Variants in LRP8 observed in about 807,000 individuals in gnomAD.
The protein encoded by LRP8 is LDL receptor related protein 8.
Under a neutral mutation model 111.6 loss-of-function variants are expected in LRP8, and 46 were observed. The observed-to-expected ratio is 0.41, with a 90% CI of 0.33 to 0.53. The LOEUF (loss-of-function observed/expected upper bound fraction) is 0.53, where lower values mean the gene tolerates loss of function less well. Among genes scored for constraint, LRP8 ranks in the 20% least tolerant of loss-of-function variants. The pLI is 0.20. For missense variants in LRP8, 959 were observed against 1,297.4 expected, an observed-to-expected ratio of 0.74 and a Z score of 4.01; for synonymous variants, 464 against 511.2, an observed-to-expected ratio of 0.91 and a Z score of 1.24.
chr1:53,265,401 C>T (rs115767674), intron 9 of LRP8, among the ~76,000 whole-genome samples: 3 of 152,192 alleles, frequency 2.0e-5, no homozygotes, highest in African/African-American at 4.8e-5. Flanking sequence ...CCCTTCCCCT[C>T]GGCCAACCAG....
Position 53,257,318 on chromosome 1 carries a change from T to C in LRP8, c.2356A>G (p.Ser786Gly), listed in dbSNP as rs1236952205. 2 of 1,614,164 alleles carry C rather than the reference T, an allele frequency of 1.2e-6. No homozygotes were observed. Among genetic ancestry groups the C allele is most frequent in the Non-Finnish European group, 1.7e-6 (2 of 1,180,022 alleles). ...ETPSLTAAVP[S>G]SVSVPRAPSI... is the part of the protein sequence containing the mutation. ...GGAGCCCTGGGGACACTAACTGAGC[T>C]TGGGACTGCAGCTGTCAGGCTTGGT... The change falls in exon 15 of 19, where the codon AGC becomes GGC. Residue 786 changes from serine (S) to glycine (G), a missense_variant. Physicochemically the swap from Ser to Gly is moderately conservative, Grantham distance 56. Transcript: ENST00000306052.
intron 2 of LRP8, among the ~76,000 whole-genome samples, chr1:53,296,636 TA>T (rs1232846786): frequency 6.6e-6 from 1 of 152,210 alleles, no homozygotes; most frequent in Non-Finnish European, 1.5e-5. Flanking sequence ...CAGGCAGATT[TA>T]AATGACAGTC....
At chr1:53,287,870 G>C (rs1039723309) in intron 3 of LRP8, among the ~76,000 whole-genome samples, 4 of 145,560 alleles carry the variant, frequency 2.7e-5, no homozygotes, top group East Asian at 4.6e-4. Context: ...GGAGGGTGAG[G>C]ATAGGAGATG....
chr1:53,284,516 C>T (rs1053922509), intron 3 of LRP8, among the ~76,000 whole-genome samples: 2 of 152,192 alleles, frequency 1.3e-5, no homozygotes, highest in Admixed American at 1.3e-4. Flanking sequence ...ACTCTCCTCA[C>T]AAAAGCCCAG....
At chr1:53,258,186 C>T in intron 14 of LRP8, 133 bp downstream of exon 14, 1 of 904,428 alleles carries the variant, frequency 1.1e-6, no homozygotes, top group Non-Finnish European at 1.6e-6. Context: ...AGAGAAACCC[C>T]CAAAAGGCAA....
chr1:53,257,387 T>C lies in LRP8; in HGVS notation c.2287A>G (p.Thr763Ala). Residue 763 changes from threonine (T) to alanine (A), a missense_variant, in exon 15 of 19, where the codon ACC (threonine) becomes GCC (alanine). Physicochemically the swap from Thr to Ala is moderately conservative, Grantham distance 58. This residue lies in a region of LRP8 where 819 missense variants were observed against 1,097.6 expected (regional missense o/e 0.75). Coordinates refer to ENST00000306052, the MANE Select transcript of LRP8 (RefSeq NM_004631.5). ...TGGTAGGTGGATCTGTGGACGGTGG[T>C]CCCGGGGGCTCTTGTGGTGGCAGGT... The part of the protein sequence containing the change: ...TVPATTRAPG[T>A]TVHRSTYQNH... The C allele has an allele frequency of 6.2e-7, 1 of 1,614,138 alleles. No homozygotes were observed. The highest frequency in any genetic ancestry group is 1.7e-5 in the Admixed American group (1 of 60,024).
At chr1:53,287,602 C>T (rs1647765848) in intron 3 of LRP8, among the ~76,000 whole-genome samples, 1 of 152,214 alleles carries the variant, frequency 6.6e-6, no homozygotes, top group Non-Finnish European at 1.5e-5. Context: ...TATGAAACCT[C>T]AGAGAGCTCG....
intron 3 of LRP8, among the ~76,000 whole-genome samples, chr1:53,286,376 T>C (rs1439619042): frequency 6.6e-6 from 1 of 152,228 alleles, no homozygotes; most frequent in African/African-American, 2.4e-5. Flanking sequence ...ATGAGCCTGG[T>C]TAATCAGAGA....
intron 2 of LRP8, among the ~76,000 whole-genome samples, chr1:53,320,018 G>T (rs1042840967): frequency 3.3e-5 from 5 of 152,260 alleles, no homozygotes; most frequent in African/African-American, 1.2e-4. Context: ...GGGCCACCCG[G>T]GGCAAGTGAC....
chr1:53,309,761 C>T (rs1652655279), intron 2 of LRP8, among the ~76,000 whole-genome samples: 1 of 152,180 alleles, frequency 6.6e-6, no homozygotes, highest in Non-Finnish European at 1.5e-5. Context: ...TGCCCCTGCT[C>T]TCAGGATGGA....
chr1:53,277,102 G>A (rs893588838), intron 4 of LRP8, 24 bp from the exon 5 acceptor site: 1 of 1,462,214 alleles, frequency 6.8e-7, no homozygotes, highest in Admixed American at 2.4e-5. Context: ...AGAGCCGGTC[G>A]GCCCGCCGAC....
chr1:53,294,877 G>A lies in LRP8; in HGVS notation c.245-5188C>T, dbSNP rs1220923090. Among the ~76,000 whole-genome samples the A allele has an allele frequency of 1.3e-5, 2 of 152,214 alleles. No individual in the cohort carries two copies. Among genetic ancestry groups the A allele is most frequent in the Non-Finnish European group, 2.9e-5 (2 of 68,042 alleles). On this transcript the variant is annotated intron_variant, in intron 2 of 18. Coordinates refer to ENST00000306052, the MANE Select transcript of LRP8 (RefSeq NM_004631.5). This position sits in a 1 kb window ranked among gnomAD's most constrained non-coding sequence, Gnocchi z 4.1. ...GCTCCCCACCCACACGCATCGTGGAGCCCCGGTGCAGAGAGAAGGCTCCAA... is the reference window on the plus strand; with the variant it reads ...GCTCCCCACCCACACGCATCGTGGAACCCCGGTGCAGAGAGAAGGCTCCAA...
chr1:53,262,176 G>A lies in LRP8; in HGVS notation c.1806C>T (p.Asp602=). The A allele has an allele frequency of 1.9e-6, 3 of 1,613,880 alleles. No individual in the cohort carries two copies. The highest frequency in any genetic ancestry group is 1.1e-5 in the South Asian group (1 of 91,066). ...TGCTGGACAGTTGGTGTAGCTTGGA[G>A]TCTACCCAGTACAAGCGCTGGCTCA... ...DLLSQRLYWV[D]SKLHQLSSID... The change falls in exon 12 of 19, where the codon GAC becomes GAT. Residue 602 remains aspartate (D), a synonymous_variant. Transcript: ENST00000306052. This position sits in a 1 kb window ranked among gnomAD's most constrained non-coding sequence, Gnocchi z 4.8.
Position 53,262,230 on chromosome 1 carries a change from G to C in LRP8, c.1775-23C>G. On this transcript the variant is annotated intron_variant, in intron 11 of 18. Transcript: ENST00000306052. This position sits in a 1 kb window ranked among gnomAD's most constrained non-coding sequence, Gnocchi z 4.8. ...GATCTTGGGAAGGAAGCAGGATCAG[G>C]TCATGAACCTGGGACCCCAGTCTGG... is the stretch of plus-strand genomic sequence containing the variant. The C allele has an allele frequency of 6.2e-7, 1 of 1,612,148 alleles. No individual in the cohort carries two copies. The highest frequency in any genetic ancestry group is 8.5e-7 in the Non-Finnish European group (1 of 1,179,684).
chr1:53,294,856 C>G lies in LRP8; in HGVS notation c.245-5167G>C, dbSNP rs539859055. ...AGTATACATCCTTCCCATGCTGCTC[C>G]CCACCCACACGCATCGTGGAGCCCC... is the stretch of plus-strand genomic sequence containing the variant. On this transcript the variant is annotated intron_variant, in intron 2 of 18. Transcript: ENST00000306052. This position sits in a 1 kb window ranked among gnomAD's most constrained non-coding sequence, Gnocchi z 4.1. Among the ~76,000 whole-genome samples, 70 of 152,376 alleles carry G rather than the reference C, an allele frequency of 4.6e-4. 1 individual carries two copies. The highest frequency in any genetic ancestry group is 6.8e-3 in the Middle Eastern group (2 of 294).
chr1:53,297,379 C>T (rs890902663), intron 2 of LRP8, among the ~76,000 whole-genome samples: 2 of 152,204 alleles, frequency 1.3e-5, no homozygotes, highest in East Asian at 1.9e-4. Flanking sequence ...ACTCAAGGCT[C>T]GGCGGTTCCC....
intron 1 of LRP8, 34 bp from the exon 2 acceptor site, chr1:53,327,026 G>C: frequency 6.2e-7 from 1 of 1,607,490 alleles, no homozygotes; most frequent in Non-Finnish European, 8.5e-7. Context: ...CTGGATCAGC[G>C]GACTCGGCCC....
Position 53,303,220 on chromosome 1 carries a change from T to C in LRP8, c.245-13531A>G, listed in dbSNP as rs1651312714. Among the ~76,000 whole-genome samples, 1 of 152,092 alleles carries C rather than the reference T, an allele frequency of 6.6e-6. No individual in the cohort carries two copies. Among genetic ancestry groups the C allele is most frequent in the South Asian group, 2.1e-4 (1 of 4,826 alleles). On this transcript the variant is annotated intron_variant, in intron 2 of 18. Transcript: ENST00000306052. The surrounding 1 kb of genome is among the most constrained non-coding windows in gnomAD (Gnocchi z 4.3). The stretch of plus-strand genomic sequence containing the variant: ...GAGCTGGGTTGCCTCCCCGTTCGAA[T>C]GGGAGAGGGCCGGGGGCAGACAGGC...
intron 15 of LRP8, among the ~76,000 whole-genome samples, chr1:53,255,494 G>A (rs564899300): frequency 6.6e-6 from 1 of 152,270 alleles, no homozygotes; most frequent in East Asian, 1.9e-4. Context: ...ATAGCATCAT[G>A]GTAGTAGGAA....
Sources: gnomAD v4.1 joint callset for allele counts (sites outside exome capture counted in the v4.1 genomes callset) on GRCh38, gnomAD v4.1.1 for gene constraint, gnomAD v4.1.1 regional missense constraint, Gnocchi (gnomAD v3.1) non-coding constraint, MANE v1.5 for transcripts, NCBI Gene and HGNC (gene_info 2026-07-23, HGNC 2026-07-21) for gene names.